CFAP44: variants seen among roughly 807,000 people sequenced by gnomAD.
CFAP44 encodes the protein cilia and flagella associated protein 44, also known as cilia- and flagella-associated protein 44.
Under a neutral mutation model 216.2 loss-of-function variants are expected in CFAP44, and 134 were observed. That is an observed-to-expected ratio of 0.62 (90% confidence interval 0.54 to 0.72). CFAP44 has a LOEUF of 0.72. CFAP44 is among the 30% of genes least tolerant of loss of function. CFAP44 has a pLI of 0.00. For missense variants in CFAP44, 2,035 were observed against 2,182.1 expected, an observed-to-expected ratio of 0.93 and a Z score of 1.34; for synonymous variants, 700 against 727.6, an observed-to-expected ratio of 0.96 and a Z score of 0.61.
At chr3:113,420,258 A>T in intron 4 of CFAP44, 79 bp from the exon 5 acceptor site, 1 of 1,384,660 alleles carries the variant, frequency 7.2e-7, no homozygotes, top group Non-Finnish European at 9.5e-7. Flanking sequence ...ATAAATTTTT[A>T]AATCTATACT....
chr3:113,435,551 G>C (rs1263902304), intron 1 of CFAP44, among the ~76,000 whole-genome samples: 1 of 151,690 alleles, frequency 6.6e-6, no homozygotes, highest in African/African-American at 2.4e-5. Flanking sequence ...TGGGGACACA[G>C]CCAAACTGTC....
At chr3:113,418,299 C>G (rs1934706345) in intron 5 of CFAP44, among the ~76,000 whole-genome samples, 1 of 152,034 alleles carries the variant, frequency 6.6e-6, no homozygotes, top group South Asian at 2.1e-4. Context: ...GTTGGCCAGG[C>G]TTGTCTTGAA....
intron 33 of CFAP44, 72 bp downstream of exon 33, chr3:113,296,653 C>T (rs1949883932): frequency 1.3e-6 from 2 of 1,491,002 alleles, no homozygotes; most frequent in Non-Finnish European, 9.0e-7. Context: ...TCATGGGTAC[C>T]ACTTCCTGCT....
In CFAP44 at chr3:113,330,410, G is replaced by A. The variant is rs2107811137; in HGVS notation, c.3874C>T (p.Pro1292Ser). 2.0e-6 allele frequency: 3 copies of A among 1,537,256 alleles called. No homozygotes were observed. The highest frequency in any genetic ancestry group is 2.4e-5 in the East Asian group (1 of 40,908). ...QQMKSKDEKS[P>S]GVEQTGSGGP... ...CCAGACCCTGTCTGTTCCACTCCGG[G>A]GGACTTTTCATCTTTACTTTTCATT... The change falls in exon 26 of 35, where the codon CCC becomes TCC. Residue 1292 changes from proline (P) to serine (S), a missense_variant. Coordinates refer to ENST00000393845, the MANE Select transcript of CFAP44 (RefSeq NM_001164496.2).
chr3:113,422,798 T>C (rs1934851988), intron 4 of CFAP44, among the ~76,000 whole-genome samples: 1 of 152,234 alleles, frequency 6.6e-6, no homozygotes, highest in African/African-American at 2.4e-5. Context: ...TTCACTACTT[T>C]AGATGAAAAT....
At position 113,358,833 on chromosome 3, in the gene CFAP44, T is replaced by TTCTGTGCA. The variant is rs1431741144; in HGVS notation, c.2969_2976dup (p.Lys993CysfsTer16). 2.6e-6 allele frequency: 4 copies of TTCTGTGCA among 1,536,778 alleles called. No homozygotes were observed. In the African/African-American group the frequency reaches 5.5e-5, roughly 21 times the overall value. On this transcript the variant is annotated frameshift_variant, in exon 22 of 35. Transcript: ENST00000393845. LOFTEE classifies it high-confidence loss of function. ...ACTTGTTGAATTTTGAAAGCTGTTT[T>TTCTGTGCA]TCTGTGCATCTCAGCACGGATTTGG...
intron 24 of CFAP44, among the ~76,000 whole-genome samples, chr3:113,336,314 C>A (rs1262391302): frequency 6.6e-6 from 1 of 151,910 alleles, no homozygotes; most frequent in Non-Finnish European, 1.5e-5. Flanking sequence ...ATGGGTAAAT[C>A]ACTAGCTGGA....
In CFAP44 at chr3:113,288,150, C is replaced by G. The variant is rs1949792795; in HGVS notation, c.*3407G>C. 1.3e-5 allele frequency: 2 copies of G among 152,096 alleles called. No homozygotes were observed. Among genetic ancestry groups the G allele is most frequent in the African/African-American group, 2.4e-5 (1 of 41,406 alleles). The allele number at this position is 152,096 out of a possible 1,614,324, so 9.4% of individuals were successfully genotyped here. ...CAGATGAAATGCCACTTGAGACAAT[C>G]TCGTTAAGTGGGGGGCCAGACCCTG... On this transcript the variant is annotated 3_prime_UTR_variant, in exon 35 of 35. Transcript: ENST00000393845.
intron 26 of CFAP44, among the ~76,000 whole-genome samples, chr3:113,329,379 A>G (rs1236954923): frequency 6.6e-6 from 1 of 152,234 alleles, no homozygotes; most frequent in Non-Finnish European, 1.5e-5. Context: ...CAGCAAAGGA[A>G]AAAGCACAGA....
At position 113,399,955 on chromosome 3, in the gene CFAP44, T is replaced by C. The variant is rs768798883; in HGVS notation, c.1520A>G (p.Gln507Arg). The change falls in exon 13 of 35, where the codon CAG becomes CGG. Residue 507 changes from glutamine (Q) to arginine (R), a missense_variant. Physicochemically the swap from Gln to Arg is conservative, Grantham distance 43. Around this residue, in one of 3 missense-constraint regions of CFAP44, gnomAD observed 1,883 missense variants for 2,023.7 expected, o/e 0.93. Transcript: ENST00000393845. Reference sequence around the variant, plus strand: ...AGTACCTCCTTGTTTGAATTTCATCTGGGCCAAAGGAGTTTTGCTAGCAAA... The same window carrying C: ...AGTACCTCCTTGTTTGAATTTCATCCGGGCCAAAGGAGTTTTGCTAGCAAA... ...YDFASKTPLAQMKFKQGGTAL... is the reference protein window; with the variant it reads ...YDFASKTPLARMKFKQGGTAL... The C allele has an allele frequency of 5.0e-6, 8 of 1,603,650 alleles. No individual in the cohort carries two copies. In the Admixed American group the frequency reaches 6.9e-5, roughly 14 times the overall value.
intron 28 of CFAP44, among the ~76,000 whole-genome samples, chr3:113,313,765 C>A (rs1324316864): frequency 2.6e-5 from 4 of 152,196 alleles, no homozygotes; most frequent in African/African-American, 4.8e-5. Context: ...TCTCTTGCCA[C>A]CACCATGTAA....
intron 2 of CFAP44, among the ~76,000 whole-genome samples, chr3:113,430,625 T>C (rs1233180341): frequency 6.6e-6 from 1 of 152,018 alleles, no homozygotes; most frequent in Non-Finnish European, 1.5e-5. Flanking sequence ...AGTGGGCAAA[T>C]TGCATGAAAG....
chr3:113,328,709 AAAAAAAAAAAAAAAAAAAAC>A (rs1950213322), intron 26 of CFAP44, among the ~76,000 whole-genome samples: 1 of 132,798 alleles, frequency 7.5e-6, no homozygotes, highest in Admixed American at 7.0e-5. Flanking sequence ...AAAAAAAAAA[AAAAAAAAAAAAAAAAAAAAC>A]AGAGAGAGAA....
At chr3:113,319,174 T>C (rs1268667247) in intron 28 of CFAP44, among the ~76,000 whole-genome samples, 1 of 152,152 alleles carries the variant, frequency 6.6e-6, no homozygotes, top group Non-Finnish European at 1.5e-5. Flanking sequence ...CAACCATCTG[T>C]TGTCTTCAAG....
At chr3:113,338,281 A>C (rs1559915721) in intron 24 of CFAP44, among the ~76,000 whole-genome samples, 4 of 148,876 alleles carry the variant, frequency 2.7e-5, no homozygotes, top group African/African-American at 9.9e-5. Context: ...AAAAAAAAAA[A>C]AAAGAACAAA....
intron 32 of CFAP44, among the ~76,000 whole-genome samples, chr3:113,298,144 T>G (rs1055795358): frequency 6.6e-6 from 1 of 152,156 alleles, no homozygotes; most frequent in Non-Finnish European, 1.5e-5. Context: ...ATACAAGGGG[T>G]TGCCCTCTTG....
intron 6 of CFAP44, among the ~76,000 whole-genome samples, chr3:113,409,875 A>G (rs1262935892): frequency 1.3e-5 from 2 of 152,362 alleles, no homozygotes; most frequent in South Asian, 4.1e-4. Context: ...ATTATAATGC[A>G]TTAATATGTT....
At chr3:113,353,132 A>G (rs1159606257) in intron 22 of CFAP44, among the ~76,000 whole-genome samples, 2 of 152,152 alleles carry the variant, frequency 1.3e-5, no homozygotes, top group African/African-American at 4.8e-5. Flanking sequence ...CTGCATCTGG[A>G]AGTATCTGGG....
intron 28 of CFAP44, among the ~76,000 whole-genome samples, chr3:113,324,978 A>G (rs2107806962): frequency 6.6e-6 from 1 of 152,312 alleles, no homozygotes; most frequent in South Asian, 2.1e-4. Context: ...ACATGAGGAC[A>G]CTGAGATTAA....
Sources: gnomAD v4.1 joint callset for allele counts (sites outside exome capture counted in the v4.1 genomes callset) on GRCh38, gnomAD v4.1.1 for gene constraint, gnomAD v4.1.1 regional missense constraint, MANE v1.5 for transcripts, NCBI Gene and HGNC (gene_info 2026-07-23, HGNC 2026-07-21) for gene names.